Variants in ADGRD1 observed in about 807,000 individuals in gnomAD.
ADGRD1 encodes the protein adhesion G protein-coupled receptor D1, also known as G-protein coupled receptor 133.
In ADGRD1, 77 loss-of-function variants were observed where a neutral mutation model predicts 113.4. The ratio of observed to expected loss-of-function variants is 0.68; its 90% CI spans 0.57 to 0.82. The LOEUF (loss-of-function observed/expected upper bound fraction) is 0.82. ADGRD1 is among the 40% of genes least tolerant of loss of function. The pLI is 0.00. For synonymous variants in ADGRD1, 474 were observed against 475.0 expected, an observed-to-expected ratio of 1.00 and a Z score of 0.03; for missense variants, 1,036 against 1,139.1, an observed-to-expected ratio of 0.91 and a Z score of 1.30.
chr12:131,132,916 A>C (rs944838582), intron 21 of ADGRD1, among the ~76,000 whole-genome samples: 1 of 152,234 alleles, frequency 6.6e-6, no homozygotes, highest in African/African-American at 2.4e-5. Flanking sequence ...TGAAAGCAAA[A>C]GTGGCAAATA....
chr12:130,989,129 G>C (rs1874058698), intron 6 of ADGRD1: 1 of 152,156 alleles, frequency 6.6e-6, no homozygotes, highest in African/African-American at 2.4e-5. Flanking sequence ...ACTGACAGAG[G>C]GCAAATGATA....
intron 8 of ADGRD1, among the ~76,000 whole-genome samples, chr12:130,994,599 C>G (rs991934164): frequency 6.6e-6 from 1 of 152,192 alleles, no homozygotes; most frequent in Non-Finnish European, 1.5e-5. Flanking sequence ...TTCCGGGTGT[C>G]TAGGGAAGGA....
chr12:131,108,279 G>A (rs529970828), intron 17 of ADGRD1, among the ~76,000 whole-genome samples: 4 of 152,240 alleles, frequency 2.6e-5, no homozygotes, highest in African/African-American at 7.2e-5. Context: ...CATGGCAGGC[G>A]GCAGGCTCCA....
intron 13 of ADGRD1, among the ~76,000 whole-genome samples, chr12:131,029,369 T>A (rs1033936590): frequency 2.6e-5 from 4 of 152,214 alleles, no homozygotes; most frequent in African/African-American, 9.6e-5. Context: ...GGGATCACAC[T>A]GGATACATGT....
At chr12:130,956,955 ACAC>A (rs1231343300) in intron 2 of ADGRD1, 2 of 152,490 alleles carry the variant, frequency 1.3e-5, no homozygotes, top group Admixed American at 6.5e-5. Context: ...ACATGTCCAC[ACAC>A]CACTCACATC....
chr12:131,007,043 T>C (rs1236117582), intron 12 of ADGRD1, among the ~76,000 whole-genome samples: 1 of 152,182 alleles, frequency 6.6e-6, no homozygotes, highest in South Asian at 2.1e-4. Flanking sequence ...TGCTGTGAAA[T>C]ATATGAGACG....
chr12:130,986,858 G>C, intron 5 of ADGRD1: 1 of 509,480 alleles, frequency 2.0e-6, no homozygotes, highest in Non-Finnish European at 3.5e-6. Context: ...AAATAACAAG[G>C]AGTCTCCTTG....
chr12:130,992,294 T>C lies in ADGRD1; in HGVS notation c.868T>C (p.Phe290Leu). The C allele has an allele frequency of 2.5e-6, 4 of 1,613,562 alleles. No individual in the cohort carries two copies. Among genetic ancestry groups the C allele is most frequent in the Non-Finnish European group, 3.4e-6 (4 of 1,179,622 alleles). The stretch of plus-strand genomic sequence containing the variant: ...CAACCTGACAGAAGAGAGAAAAACC[T>C]TCCAAAGTCCCGGAGTGATACTGAG... ...ITNLTEERKT[F>L]QSPGVILSYL... The change falls in exon 8 of 25, where the codon TTC (phenylalanine) becomes CTC (leucine). Residue 290 changes from phenylalanine to leucine, a missense_variant. Physicochemically the swap from Phe to Leu is conservative, Grantham distance 22. Transcript: ENST00000261654.
intron 20 of ADGRD1, chr12:131,121,843 A>G (rs1311473742): frequency 1.3e-5 from 2 of 152,368 alleles, no homozygotes; most frequent in Non-Finnish European, 2.9e-5. Flanking sequence ...CAGCACTCCC[A>G]TCGCAAGTCC....
intron 13 of ADGRD1, among the ~76,000 whole-genome samples, chr12:131,049,687 C>T (rs935123809): frequency 2.0e-5 from 3 of 152,160 alleles, no homozygotes; most frequent in Non-Finnish European, 2.9e-5. Context: ...TGTGTGCTGC[C>T]GTCTGGGGTG....
intron 2 of ADGRD1, among the ~76,000 whole-genome samples, chr12:130,955,371 G>T (rs905173232): frequency 6.6e-6 from 1 of 152,038 alleles, no homozygotes; most frequent in African/African-American, 2.4e-5. Context: ...TGGAGCAGCC[G>T]ATGAGTGGGA....
At chr12:131,104,033 C>A (rs761784670) in intron 15 of ADGRD1, among the ~76,000 whole-genome samples, 2 of 152,238 alleles carry the variant, frequency 1.3e-5, no homozygotes, top group Non-Finnish European at 2.9e-5. Context: ...CGGTGAACTG[C>A]GGCTTCGGTT....
intron 2 of ADGRD1, among the ~76,000 whole-genome samples, chr12:130,963,968 G>A (rs2136494278): frequency 6.6e-6 from 1 of 152,208 alleles, no homozygotes; most frequent in Middle Eastern, 3.4e-3. Flanking sequence ...CAGTCTGATG[G>A]GTGAACTCTG....
At chr12:130,961,075 A>G (rs1870298432) in intron 2 of ADGRD1, among the ~76,000 whole-genome samples, 1 of 152,214 alleles carries the variant, frequency 6.6e-6, no homozygotes, top group South Asian at 2.1e-4. Context: ...TGTGATATAG[A>G]TTCCAGCTGG....
chr12:130,958,538 G>A (rs2004843), intron 2 of ADGRD1, among the ~76,000 whole-genome samples: 143,586 of 152,044 alleles, frequency 0.94, 68,341 homozygotes, highest in East Asian at 1. Flanking sequence ...GACATCTCAG[G>A]CTCTGCTCAC....
chr12:130,984,793 T>A lies in ADGRD1; in HGVS notation c.491-2302T>A, dbSNP rs1873428043. Among the ~76,000 whole-genome samples, 2 of 151,558 alleles carry A rather than the reference T, an allele frequency of 1.3e-5. No individual in the cohort carries two copies. Among genetic ancestry groups the A allele is most frequent in the Non-Finnish European group, 2.9e-5 (2 of 67,880 alleles). On this transcript the variant is annotated intron_variant, in intron 5 of 24. Transcript: ENST00000261654. The surrounding 1 kb of genome is among the most constrained non-coding windows in gnomAD (Gnocchi z 4.1). ...CTTCTTCCCCTCCTCTCTCTTTTCC[T>A]TCTTTCCCTCCCTCCCTTCCTCCCT...
At chr12:131,131,569 G>A (rs142234032) in intron 20 of ADGRD1, among the ~76,000 whole-genome samples, 156 bp from the exon 21 acceptor site, 27 of 152,328 alleles carry the variant, frequency 1.8e-4, no homozygotes, top group African/African-American at 4.8e-4. Context: ...AAAAGCCCAC[G>A]GAACAGGGTG....
intron 13 of ADGRD1, among the ~76,000 whole-genome samples, chr12:131,063,690 A>G (rs1420798460): frequency 6.6e-6 from 1 of 152,202 alleles, no homozygotes; most frequent in Non-Finnish European, 1.5e-5. Context: ...AGGTCTTGAA[A>G]TCAGGTAGAG....
intron 13 of ADGRD1, among the ~76,000 whole-genome samples, chr12:131,028,874 C>A (rs373128787): frequency 6.6e-6 from 1 of 152,196 alleles, no homozygotes; most frequent in Non-Finnish European, 1.5e-5. Flanking sequence ...TTATTCCAGG[C>A]GGCCTCGGCT....
Sources: allele counts gnomAD v4.1 joint callset (sites outside exome capture counted in the v4.1 genomes callset), GRCh38; gene constraint gnomAD v4.1.1; non-coding constraint Gnocchi (gnomAD v3.1); transcripts MANE v1.5; gene names NCBI Gene and HGNC (gene_info 2026-07-23, HGNC 2026-07-21).